The following HMSD variants were observed in gnomAD, a reference collection of about 807,000 sequenced individuals.
HMSD encodes histocompatibility minor serpin domain containing, also known as serpin-like protein HMSD.
In HMSD, 13 loss-of-function variants were observed where a neutral mutation model predicts 10.0. The ratio of observed to expected loss-of-function variants is 1.31; its 90% CI spans 0.85 to 2.08. The LOEUF (loss-of-function observed/expected upper bound fraction) is 2.08, where lower values mean the gene tolerates loss of function less well. HMSD is among the 30% of genes most tolerant of loss of function. The pLI is 0.00. For synonymous variants in HMSD, 51 were observed against 54.2 expected (o/e 0.94, Z 0.26); for missense variants, 169 against 166.3 (o/e 1.02, Z -0.09).
chr18:63,955,067 A>G (rs2050351221), intron 3 of HMSD, among the ~76,000 whole-genome samples: 1 of 152,224 alleles, frequency 6.6e-6, no homozygotes, highest in Non-Finnish European at 1.5e-5. Flanking sequence ...AACACAAACA[A>G]CACATATAAA....
At chr18:63,963,717 A>G (rs187027996), downstream of HMSD, among the ~76,000 whole-genome samples, 1 of 152,342 alleles carries the variant, frequency 6.6e-6, no homozygotes, top group East Asian at 1.9e-4. Flanking sequence ...CCAGATATCA[A>G]TTTATTGTCT....
rs184674539 is a variant in HMSD at position 63,960,634 on chromosome 18, G to A, written c.*279G>A. 6.1e-6 allele frequency: 2 copies of A among 329,610 alleles called. No individual in the cohort carries two copies. The highest frequency in any genetic ancestry group is 2.8e-5 in the South Asian group (1 of 35,916). The allele number at this position is 329,610 out of a possible 1,614,324, so 20.4% of individuals were successfully genotyped here. On this transcript the variant is annotated 3_prime_UTR_variant, in exon 4 of 4. Coordinates refer to ENST00000408945, the MANE Select transcript of HMSD (RefSeq NM_001123366.2). ...TGGTTTACAGGCTTGAAATGCAACT[G>A]CTGTGATCAGTGATAAGGGAACACA... is the stretch of plus-strand genomic sequence containing the variant.
chr18:63,960,606 G>C lies in HMSD; in HGVS notation c.*251G>C. ...TCTCCCTCACTGGTATTGCCATACT[G>C]TATGGTTTACAGGCTTGAAATGCAA... On this transcript the variant is annotated 3_prime_UTR_variant, in exon 4 of 4. Coordinates refer to ENST00000408945, the MANE Select transcript of HMSD (RefSeq NM_001123366.2). The C allele has an allele frequency of 5.0e-6, 2 of 401,114 alleles. No individual in the cohort carries two copies. The highest frequency in any genetic ancestry group is 4.8e-5 in the South Asian group (2 of 41,544). 24.8% of individuals were successfully genotyped at this position (401,114 alleles called of 1,614,324 possible). A position where few individuals can be genotyped will look rare whatever the true frequency, so the allele number is the denominator to read the frequency against.
At chr18:63,969,519 G>A (rs914426383) in intron 3 of HMSD, 3 of 152,200 alleles carry the variant, frequency 2.0e-5, no homozygotes, top group African/African-American at 7.2e-5. Flanking sequence ...TCTGAGAGAT[G>A]TCCAGTAGTA....
chr18:63,963,095 T>TTTCTTTCTCTTTC (rs1568261302), downstream of HMSD, among the ~76,000 whole-genome samples: 69 of 129,364 alleles, frequency 5.3e-4, no homozygotes, highest in African/African-American at 2.1e-3. Flanking sequence ...CTTTCTTTCT[T>TTTCTTTCTCTTTC]TCTTTCTTTC....
Position 63,960,141 on chromosome 18 carries a change from T to C in HMSD, c.223-17T>C. ...TTGTTTCTGTAGCTGTGAAATTATG[T>C]TTTTGGTTTTTCCTAGGGTTTTACA... On this transcript the variant is annotated splice_polypyrimidine_tract_variant and intron_variant, in intron 3 of 3. Transcript: ENST00000408945. 1.9e-6 allele frequency: 3 copies of C among 1,605,738 alleles called. No individual in the cohort carries two copies. Among genetic ancestry groups the C allele is most frequent in the African/African-American group, 1.3e-5 (1 of 74,626 alleles).
At chr18:63,955,173 A>G (rs1291958888) in intron 3 of HMSD, among the ~76,000 whole-genome samples, 1 of 152,146 alleles carries the variant, frequency 6.6e-6, no homozygotes, top group Non-Finnish European at 1.5e-5. Flanking sequence ...ACATATAAAA[A>G]CTTTGCTTCA....
chr18:63,960,120 T>C, intron 3 of HMSD, 38 bp from the exon 4 acceptor site: 7 of 1,579,942 alleles, frequency 4.4e-6, no homozygotes, highest in Non-Finnish European at 6.1e-6. Flanking sequence ...TATTAGTTGT[T>C]TCTGTAGCTG....
downstream of HMSD, among the ~76,000 whole-genome samples, chr18:63,965,545 CTTTTA>C (rs1251127084): frequency 3.3e-5 from 5 of 152,006 alleles, no homozygotes; most frequent in East Asian, 9.6e-4. Flanking sequence ...GCCTTTTTTT[CTTTTA>C]TAAGTTCCTT....
chr18:63,953,123 G>A (rs967818913), intron 1 of HMSD, among the ~76,000 whole-genome samples: 6 of 152,154 alleles, frequency 3.9e-5, no homozygotes, highest in Admixed American at 2.6e-4. Flanking sequence ...AAACAGTGAA[G>A]GCTCAATTTC....
At chr18:63,958,523 C>G (rs911701651) in intron 3 of HMSD, among the ~76,000 whole-genome samples, 10 of 152,102 alleles carry the variant, frequency 6.6e-5, no homozygotes, top group Non-Finnish European at 1.5e-4. Context: ...CATTTAATTT[C>G]CACCAAATGT....
downstream of HMSD, among the ~76,000 whole-genome samples, chr18:63,963,420 G>A (rs998673445): frequency 5.9e-5 from 9 of 151,786 alleles, no homozygotes; most frequent in Non-Finnish European, 8.8e-5. Context: ...TAGTAGAGAC[G>A]GGGTTTCACC....
rs1466856497 is a variant in HMSD, at chr18:63,961,162, T to C, written c.*807T>C. ...GAGTAAGAGGTGGGAGTGGGGAGTG[T>C]AAATGGAGTAACCTCTAAGTATCCA... On this transcript the variant is annotated 3_prime_UTR_variant, in exon 4 of 4. Transcript: ENST00000408945. 6.6e-6 allele frequency: 1 copy of C among 151,150 alleles called. No homozygotes were observed. The highest frequency in any genetic ancestry group is 2.4e-5 in the African/African-American group (1 of 40,964). The allele number at this position is 151,150 out of a possible 1,614,324, so 9.4% of individuals were successfully genotyped here.
chr18:63,955,946 C>A (rs1429623548), intron 3 of HMSD, among the ~76,000 whole-genome samples: 3 of 152,202 alleles, frequency 2.0e-5, no homozygotes. Flanking sequence ...CTGTCCCCAC[C>A]GCATTTCCCC....
intron 3 of HMSD, among the ~76,000 whole-genome samples, chr18:63,968,992 A>G (rs1391677852): frequency 1.3e-5 from 2 of 152,170 alleles, no homozygotes; most frequent in African/African-American, 2.4e-5. Context: ...AGAGATCTTT[A>G]CTTAATTGGT....
rs925024297 is a variant in HMSD, at chr18:63,960,437, T to C, written c.*82T>C. 1.8e-4 allele frequency: 269 copies of C among 1,486,852 alleles called. No individual in the cohort carries two copies. Among genetic ancestry groups the C allele is most frequent in the Non-Finnish European group, 2.3e-4 (261 of 1,129,130 alleles). The allele number at this position is 1,486,852 out of a possible 1,614,324, so 92.1% of individuals were successfully genotyped here. On this transcript the variant is annotated 3_prime_UTR_variant, in exon 4 of 4. Coordinates refer to ENST00000408945, the MANE Select transcript of HMSD (RefSeq NM_001123366.2). ...ATATTGCCAACTCGTAGACCTTTTC[T>C]CTAGCTTTAGCTTTTCCCTTATCAA... is the stretch of plus-strand genomic sequence containing the variant.
At chr18:63,963,517 C>T (rs79073793), downstream of HMSD, among the ~76,000 whole-genome samples, 163 of 152,254 alleles carry the variant, frequency 1.1e-3, no homozygotes, top group African/African-American at 3.7e-3. Context: ...CATGAGCCAC[C>T]GCACCAGGCC....
intron 1 of HMSD, among the ~76,000 whole-genome samples, chr18:63,949,683 C>T (rs1019548089): frequency 2.0e-5 from 3 of 152,216 alleles, no homozygotes; most frequent in Admixed American, 2.0e-4. Flanking sequence ...GAAAGTCCTG[C>T]CTGGGCTCCA....
At chr18:63,963,117 CTTT>C (rs2050395671), downstream of HMSD, among the ~76,000 whole-genome samples, 17 of 126,472 alleles carry the variant, frequency 1.3e-4, no homozygotes, top group East Asian at 2.2e-4. Flanking sequence ...TTCTTTCTTT[CTTT>C]CTTTCTTTCT....
Sources: allele counts gnomAD v4.1 joint callset (sites outside exome capture counted in the v4.1 genomes callset), GRCh38; gene constraint gnomAD v4.1.1; transcripts MANE v1.5; gene names NCBI Gene and HGNC (gene_info 2026-07-23, HGNC 2026-07-21).